The following LPA variants were observed in gnomAD, a reference collection of about 807,000 sequenced individuals.
LPA encodes the protein lipoprotein(a).
A neutral mutation model predicts 197.9 loss-of-function variants in LPA; 199 were observed. That is an observed-to-expected ratio of 1.01 (90% CI 0.90 to 1.13). The LOEUF is 1.13. LPA is among the 50% of genes most tolerant of loss of function. The pLI, the probability that LPA is intolerant of heterozygous loss-of-function variation, is 0.00. For synonymous variants in LPA, 715 were observed against 639.5 expected (o/e 1.12, Z -1.78); for missense variants, 1,853 against 1,785.8 (o/e 1.04, Z -0.68).
intron 28 of LPA, among the ~76,000 whole-genome samples, chr6:160,567,182 A>G (rs1333102969): frequency 2.0e-5 from 3 of 152,272 alleles, no homozygotes; most frequent in Non-Finnish European, 4.4e-5. Flanking sequence ...CCAAATCAAC[A>G]GAATATACAT....
intron 37 of LPA, among the ~76,000 whole-genome samples, chr6:160,533,963 A>C (rs768976754): frequency 3.3e-5 from 5 of 152,228 alleles, no homozygotes; most frequent in Non-Finnish European, 7.3e-5. Flanking sequence ...CCAAGTTTCC[A>C]ATGTTGCAAG....
At chr6:160,609,634 A>G (rs1420484213) in intron 16 of LPA, among the ~76,000 whole-genome samples, 2 of 152,000 alleles carry the variant, frequency 1.3e-5, no homozygotes, top group Non-Finnish European at 2.9e-5. Context: ...CGGTATTTGT[A>G]TCTACTCCAA....
intron 26 of LPA, among the ~76,000 whole-genome samples, chr6:160,584,259 T>TC (rs1214010244): frequency 3.9e-5 from 5 of 128,240 alleles, no homozygotes; most frequent in Admixed American, 7.7e-5. Context: ...CTCCTCCTCC[T>TC]CTTCCTCTTC....
At chr6:160,648,301 A>C (rs963958429) in intron 2 of LPA, among the ~76,000 whole-genome samples, 1 of 152,116 alleles carries the variant, frequency 6.6e-6, no homozygotes, top group African/African-American at 2.4e-5. Context: ...TGACAGTTGA[A>C]CTGCTATGTA....
intron 28 of LPA, 115 bp downstream of exon 28, chr6:160,577,021 C>T: frequency 7.5e-7 from 1 of 1,337,852 alleles, no homozygotes. Flanking sequence ...AGACATTTTG[C>T]CAAAATGTGA....
At chr6:160,550,251 G>C (rs984168281) in intron 30 of LPA, among the ~76,000 whole-genome samples, 6 of 150,764 alleles carry the variant, frequency 4.0e-5, no homozygotes, top group African/African-American at 1.2e-4. Flanking sequence ...AGCCGGTGAG[G>C]ACCCCGGTGG....
At chr6:160,604,865 G>A (rs574336613) in intron 18 of LPA, among the ~76,000 whole-genome samples, 181 bp downstream of exon 18, 42 of 152,128 alleles carry the variant, frequency 2.8e-4, no homozygotes, top group Non-Finnish European at 5.3e-4. Context: ...AGGAAGGAGA[G>A]CCAGATTAAC....
intron 2 of LPA, among the ~76,000 whole-genome samples, chr6:160,649,737 C>A (rs1366831901): frequency 6.6e-6 from 1 of 152,072 alleles, no homozygotes; most frequent in Non-Finnish European, 1.5e-5. Flanking sequence ...GTGGTCAGAC[C>A]CCAGCTTCTG....
chr6:160,576,270 T>C (rs929681056), intron 28 of LPA, among the ~76,000 whole-genome samples: 1 of 148,410 alleles, frequency 6.7e-6, no homozygotes, highest in Admixed American at 6.8e-5. Flanking sequence ...GCAACACATG[T>C]CCTTTCAGAC....
chr6:160,573,727 C>G (rs184882056), intron 28 of LPA, among the ~76,000 whole-genome samples: 2 of 152,292 alleles, frequency 1.3e-5, no homozygotes, highest in East Asian at 3.9e-4. Flanking sequence ...GTCTACCCAG[C>G]TCTGGGCTGG....
At chr6:160,653,170 A>T (rs1019204638) in intron 1 of LPA, among the ~76,000 whole-genome samples, 1 of 152,166 alleles carries the variant, frequency 6.6e-6, no homozygotes, top group Admixed American at 6.6e-5. Flanking sequence ...AGAACAACGA[A>T]TACTTCCAGA....
In LPA at chr6:160,576,378, A is replaced by ATGTGTG. The variant is rs1562327936; in HGVS notation, c.4631+757_4631+758insCACACA. Among the ~76,000 whole-genome samples the ATGTGTG allele has an allele frequency of 1.4e-4, 9 of 64,972 alleles. No individual in the cohort carries two copies. The South Asian group carries it at 2.7e-3, about 19-fold the overall frequency. 42.6% of individuals were successfully genotyped at this position (64,972 alleles called of 152,430 possible). A position where few individuals can be genotyped will look rare whatever the true frequency, so the allele number is the denominator to read the frequency against. On this transcript the variant is annotated intron_variant, in intron 28 of 38. Transcript: ENST00000316300. ...TATATATATATATACATATATATAT[A>ATGTGTG]TATATATATATGTATATATATATAT...
At chr6:160,537,180 G>A (rs887435838) in intron 37 of LPA, among the ~76,000 whole-genome samples, 5 of 152,130 alleles carry the variant, frequency 3.3e-5, no homozygotes, top group Admixed American at 2.0e-4. Context: ...AGGGCATACC[G>A]CAAAGAGAAG....
chr6:160,560,519 G>A (rs1254722563), intron 28 of LPA, among the ~76,000 whole-genome samples: 6 of 152,252 alleles, frequency 3.9e-5, no homozygotes, highest in Admixed American at 6.5e-5. Context: ...TTGTGGTTTC[G>A]ATTTGCATTT....
At chr6:160,647,085 T>A (rs1293185811) in intron 2 of LPA, among the ~76,000 whole-genome samples, 1 of 152,168 alleles carries the variant, frequency 6.6e-6, no homozygotes, top group Non-Finnish European at 1.5e-5. Flanking sequence ...GAATGCAGTA[T>A]CTCTAGAATG....
Position 160,650,598 on chromosome 6 carries a change from G to A in LPA, c.50-101C>T, listed in dbSNP as rs536506731. ...ACAGGAAAAAGTCTCTGAGAATTAC[G>A]ACCATTCTCTTCTCTTGATTAGCAG... On this transcript the variant is annotated intron_variant, in intron 1 of 38. Transcript: ENST00000316300. The A allele has an allele frequency of 1.1e-4, 130 of 1,158,430 alleles. No homozygotes were observed. In the African/African-American group the frequency reaches 1.3e-3, roughly 11 times the overall value. 71.8% of individuals were successfully genotyped at this position (1,158,430 alleles called of 1,614,324 possible). A position where few individuals can be genotyped will look rare whatever the true frequency, so the allele number is the denominator to read the frequency against.
At chr6:160,589,487 C>A in intron 24 of LPA, 66 bp downstream of exon 24, 1 of 1,572,870 alleles carries the variant, frequency 6.4e-7, no homozygotes, top group Admixed American at 1.7e-5. Flanking sequence ...TAGCTGGAAG[C>A]ATGGCTCTTC....
At chr6:160,661,955 G>A (rs1433155263) in intron 1 of LPA, among the ~76,000 whole-genome samples, 4 of 152,152 alleles carry the variant, frequency 2.6e-5, no homozygotes, top group Non-Finnish European at 5.9e-5. Context: ...TCAAAAAGAG[G>A]AAACTTCCAT....
intron 28 of LPA, among the ~76,000 whole-genome samples, chr6:160,568,378 A>G (rs1162911005): frequency 1.3e-5 from 2 of 152,214 alleles, no homozygotes; most frequent in African/African-American, 4.8e-5. Context: ...ACAGAACCAA[A>G]GACAAAAACC....
Sources: gnomAD v4.1 joint callset for allele counts (sites outside exome capture counted in the v4.1 genomes callset) on GRCh38, gnomAD v4.1.1 for gene constraint, MANE v1.5 for transcripts, NCBI Gene and HGNC (gene_info 2026-07-23, HGNC 2026-07-21) for gene names.